CHODL: variants seen among roughly 807,000 people sequenced by gnomAD.
The protein encoded by CHODL is transmembrane protein MT75.
In CHODL, 29 loss-of-function variants were observed where a neutral mutation model predicts 34.5. That is an observed-to-expected ratio of 0.84 (90% confidence interval 0.63 to 1.15). The LOEUF (loss-of-function observed/expected upper bound fraction) is 1.15. Among genes scored for constraint, CHODL ranks in the 50% most tolerant of loss-of-function variants. The pLI is 0.00. For synonymous variants in CHODL, 125 were observed against 116.1 expected (o/e 1.08, Z -0.49); for missense variants, 332 against 332.5 (o/e 1.00, Z 0.01).
intron 1 of CHODL, among the ~76,000 whole-genome samples, chr21:17,948,015 A>G (rs938054581): frequency 5.9e-5 from 9 of 152,172 alleles, no homozygotes; most frequent in Non-Finnish European, 1.3e-4. Context: ...CATGGATGAA[A>G]CTGGAAGCCA....
intron 3 of CHODL, among the ~76,000 whole-genome samples, chr21:18,259,275 T>G (rs1340652029): frequency 1.3e-5 from 2 of 152,104 alleles, no homozygotes; most frequent in African/African-American, 4.8e-5. Flanking sequence ...TTATTTTCAT[T>G]GAATTATTGA....
At chr21:18,037,636 G>C (rs1464942671) in intron 2 of CHODL, among the ~76,000 whole-genome samples, 2 of 151,726 alleles carry the variant, frequency 1.3e-5, no homozygotes, top group Non-Finnish European at 2.9e-5. Context: ...AATTAAATCA[G>C]TGATGGAGGA....
rs373580912 is a variant in CHODL at position 18,083,140 on chromosome 21, C to T, written c.-45+55169C>T. Reference sequence around the variant, plus strand: ...CCAGGGCCTTGCTGCTCTTTGCAGTCTTGGGACATGGCACCCTGTATCCAA... The same window carrying T: ...CCAGGGCCTTGCTGCTCTTTGCAGTTTTGGGACATGGCACCCTGTATCCAA... On this transcript the variant is annotated intron_variant, in intron 2 of 6. Transcript: ENST00000400127. Among the ~76,000 whole-genome samples, 7 of 152,312 alleles carry T rather than the reference C, an allele frequency of 4.6e-5. No individual in the cohort carries two copies. The Middle Eastern group carries it at 0.01, about 222-fold the overall frequency.
At chr21:17,921,195 G>A (rs1189708066) in intron 1 of CHODL, among the ~76,000 whole-genome samples, 1 of 152,198 alleles carries the variant, frequency 6.6e-6, no homozygotes, top group Non-Finnish European at 1.5e-5. Context: ...AGTCTATGAT[G>A]CCAATGAAAT....
At chr21:18,032,195 T>C (rs2064255588) in intron 2 of CHODL, among the ~76,000 whole-genome samples, 2 of 152,076 alleles carry the variant, frequency 1.3e-5, no homozygotes, top group South Asian at 4.1e-4. Flanking sequence ...ACTTGAAAAT[T>C]GCTAGGAGAG....
intron 2 of CHODL, among the ~76,000 whole-genome samples, chr21:18,101,937 G>A (rs1417057463): frequency 2.0e-5 from 3 of 151,678 alleles, no homozygotes; most frequent in Admixed American, 6.6e-5. Flanking sequence ...AAATTAATAA[G>A]GATAAAAAAT....
rs909893253 is a variant in CHODL at position 17,941,806 on chromosome 21, G to A, written c.-145+24406G>A. On this transcript the variant is annotated intron_variant, in intron 1 of 6. Coordinates refer to the CHODL transcript ENST00000400127. The stretch of plus-strand genomic sequence containing the variant: ...TTCTCACAGTTCTAGAGGCTGGGAA[G>A]TGAAATGAAAGATCAGGGTGCTGGC... Among the ~76,000 whole-genome samples the A allele has an allele frequency of 7.9e-5, 12 of 152,294 alleles. No individual in the cohort carries two copies. In the East Asian group the frequency reaches 2.3e-3, roughly 29 times the overall value.
intron 2 of CHODL, among the ~76,000 whole-genome samples, chr21:18,148,643 T>A (rs555342954): frequency 1.8e-3 from 273 of 152,258 alleles, no homozygotes; most frequent in African/African-American, 6.1e-3. Flanking sequence ...ATTATTTCCT[T>A]CTCCATGATT....
intron 2 of CHODL, among the ~76,000 whole-genome samples, chr21:18,179,586 C>A (rs113743815): frequency 2.0e-4 from 30 of 152,178 alleles, no homozygotes; most frequent in East Asian, 5.8e-4. Flanking sequence ...AATCAAGAGG[C>A]CTTCACTTTA....
At chr21:18,030,166 T>G (rs1031397115) in intron 2 of CHODL, among the ~76,000 whole-genome samples, 1 of 152,170 alleles carries the variant, frequency 6.6e-6, no homozygotes, top group Non-Finnish European at 1.5e-5. Context: ...GATGTTACTC[T>G]TGAGATTAGG....
chr21:18,171,791 G>A (rs887883634), intron 2 of CHODL, among the ~76,000 whole-genome samples: 1 of 148,586 alleles, frequency 6.7e-6, no homozygotes, highest in African/African-American at 2.5e-5. Flanking sequence ...TTGCTGGTCT[G>A]TATTCTTTGT....
chr21:18,015,703 G>T (rs1047612609), intron 1 of CHODL, among the ~76,000 whole-genome samples: 1 of 152,192 alleles, frequency 6.6e-6, no homozygotes, highest in Non-Finnish European at 1.5e-5. Flanking sequence ...GGACAGTGAA[G>T]TTCCAGCTGA....
chr21:18,001,336 A>C (rs1008862588), intron 1 of CHODL, among the ~76,000 whole-genome samples: 4 of 152,252 alleles, frequency 2.6e-5, no homozygotes, highest in Non-Finnish European at 5.9e-5. Context: ...AAACAAGTTG[A>C]TAACATGCCA....
In CHODL at chr21:17,999,168, A is replaced by G. The variant is rs139756770; in HGVS notation, c.-144-28704A>G. The stretch of plus-strand genomic sequence containing the variant: ...AATCTTCAGGGCAGGGCAAAATGCC[A>G]CCAGTCTCTTTGCTAAAACATAACA... On this transcript the variant is annotated intron_variant, in intron 1 of 6. Transcript: ENST00000400127. 5.5e-3 allele frequency among the ~76,000 whole-genome samples: 842 copies of G among 152,338 alleles called. 8 individuals are homozygous for G. The highest frequency in any genetic ancestry group is 0.013 in the African/African-American group (553 of 41,568).
At chr21:18,110,971 T>C (rs969903266) in intron 2 of CHODL, among the ~76,000 whole-genome samples, 2 of 152,210 alleles carry the variant, frequency 1.3e-5, no homozygotes, top group Admixed American at 1.3e-4. Context: ...TTGCCCTATA[T>C]GTTCTCCAGA....
intron 2 of CHODL, chr21:18,027,975 A>C (rs939261822): frequency 6.6e-6 from 1 of 152,546 alleles, no homozygotes; most frequent in African/African-American, 2.4e-5. Flanking sequence ...CAGAACTGTA[A>C]GAAATAAATT....
At chr21:18,026,953 T>C (rs285923) in intron 1 of CHODL, among the ~76,000 whole-genome samples, 96,793 of 151,954 alleles carry the variant, frequency 0.64, 31,655 homozygotes, top group Middle Eastern at 0.72. Context: ...AGAAAGATAA[T>C]TTAAGAAAGA....
intron 2 of CHODL, among the ~76,000 whole-genome samples, chr21:18,168,913 A>C (rs901728895): frequency 6.6e-6 from 1 of 152,138 alleles, no homozygotes; most frequent in Non-Finnish European, 1.5e-5. Context: ...ATGTAAATCT[A>C]TGGTTTATTT....
intron 2 of CHODL, among the ~76,000 whole-genome samples, chr21:18,104,205 GTCCC>G (rs2065247923): frequency 6.6e-6 from 1 of 152,138 alleles, no homozygotes; most frequent in Admixed American, 6.5e-5. Context: ...TAGGCTTTGT[GTCCC>G]TACCCAAATC....
Sources: gnomAD v4.1 joint callset for allele counts (sites outside exome capture counted in the v4.1 genomes callset) on GRCh38, gnomAD v4.1.1 for gene constraint, MANE v1.5 for transcripts, NCBI Gene and HGNC (gene_info 2026-07-23, HGNC 2026-07-21) for gene names.